KHDRBS2: variants seen among roughly 807,000 people sequenced by gnomAD.
The protein encoded by KHDRBS2 is KH domain-containing, RNA-binding, signal transduction-associated protein 2.
In KHDRBS2, 26 loss-of-function variants were observed where a neutral mutation model predicts 44.3. The ratio of observed to expected loss-of-function variants is 0.59; its 90% CI spans 0.43 to 0.81. The LOEUF (loss-of-function observed/expected upper bound fraction) is 0.81. Ranked by LOEUF, KHDRBS2 falls within the 40% of genes least tolerant of loss-of-function variation. The probability of loss-of-function intolerance (pLI) is 0.00; values close to 1 mark genes in which losing one functional copy is unlikely to be tolerated. For missense variants in KHDRBS2, 476 were observed against 433.1 expected, an observed-to-expected ratio of 1.10 and a Z score of -0.88; for synonymous variants, 194 against 151.1, an observed-to-expected ratio of 1.28 and a Z score of -2.08.
intron 2 of KHDRBS2, among the ~76,000 whole-genome samples, chr6:62,097,165 G>GA (rs1584675750): frequency 6.6e-6 from 1 of 151,496 alleles, no homozygotes; most frequent in East Asian, 1.9e-4. Flanking sequence ...CTAACCCGGA[G>GA]ACTATTTCAT....
At chr6:61,834,053 A>C (rs146628645) in intron 6 of KHDRBS2, among the ~76,000 whole-genome samples, 1 of 152,236 alleles carries the variant, frequency 6.6e-6, no homozygotes. Context: ...ATTTTTCTAA[A>C]TGGAAAATCA....
intron 6 of KHDRBS2, among the ~76,000 whole-genome samples, chr6:61,890,085 A>T (rs554328743): frequency 6.6e-6 from 1 of 152,242 alleles, no homozygotes; most frequent in African/African-American, 2.4e-5. Context: ...ATTTGTTTAC[A>T]TATGTTTATT....
At chr6:61,567,281 G>A in the KHDRBS2 span, among the ~76,000 whole-genome samples, 1 of 152,294 alleles carries the variant, frequency 6.6e-6, no homozygotes, top group Admixed American at 6.5e-5. Flanking sequence ...AGAAAAGGGA[G>A]GCCAAGGGCC....
At chr6:61,733,167 A>G (rs751143619) in intron 6 of KHDRBS2, among the ~76,000 whole-genome samples, 42 of 152,310 alleles carry the variant, frequency 2.8e-4, no homozygotes, top group Admixed American at 9.2e-4. Flanking sequence ...ATCATAATTA[A>G]GATAGAAACT....
chr6:61,802,383 G>A (rs1417100277), intron 6 of KHDRBS2, among the ~76,000 whole-genome samples: 2 of 152,084 alleles, frequency 1.3e-5, no homozygotes, highest in East Asian at 3.9e-4. Context: ...ATATAAATTG[G>A]TAACATTATT....
intron 2 of KHDRBS2, among the ~76,000 whole-genome samples, chr6:62,145,485 C>T (rs1356665952): frequency 1.3e-5 from 2 of 151,630 alleles, no homozygotes; most frequent in Non-Finnish European, 3.0e-5. Context: ...ATATCTTTTT[C>T]TAGGTACAGT....
At chr6:62,118,300 T>C (rs1032342202) in intron 2 of KHDRBS2, among the ~76,000 whole-genome samples, 10 of 152,218 alleles carry the variant, frequency 6.6e-5, no homozygotes, top group African/African-American at 2.4e-4. Flanking sequence ...TACTATAAGT[T>C]TGCAGTATAT....
chr6:61,601,123 G>C, the KHDRBS2 span, among the ~76,000 whole-genome samples: 2 of 151,918 alleles, frequency 1.3e-5, no homozygotes, highest in Admixed American at 6.6e-5. Flanking sequence ...TGCCTGCTTT[G>C]GCTGCTCACC....
the KHDRBS2 span, among the ~76,000 whole-genome samples, chr6:61,655,225 TACACACACACACAC>T: frequency 2.1e-5 from 3 of 145,192 alleles, no homozygotes; most frequent in Non-Finnish European, 3.0e-5. Flanking sequence ...CATACATACA[TACACACACACACAC>T]ACACACACAC....
chr6:62,035,007 G>A (rs537305109), intron 3 of KHDRBS2, among the ~76,000 whole-genome samples: 1 of 152,120 alleles, frequency 6.6e-6, no homozygotes, highest in Admixed American at 6.6e-5. Flanking sequence ...TAGCAAGGAT[G>A]TGGAGAAAAG....
intron 1 of KHDRBS2, among the ~76,000 whole-genome samples, chr6:62,220,477 T>G (rs549762307): frequency 2.0e-5 from 3 of 152,028 alleles, no homozygotes; most frequent in South Asian, 4.1e-4. Flanking sequence ...CAAGTATGTA[T>G]AGCAAATGCA....
intron 3 of KHDRBS2, among the ~76,000 whole-genome samples, chr6:62,021,114 C>A (rs1405413569): frequency 6.6e-6 from 1 of 151,938 alleles, no homozygotes; most frequent in Non-Finnish European, 1.5e-5. Flanking sequence ...TTATCCTTAG[C>A]AAAACGACAA....
intron 1 of KHDRBS2, among the ~76,000 whole-genome samples, chr6:62,237,416 T>G (rs891795396): frequency 2.0e-5 from 3 of 152,146 alleles, no homozygotes; most frequent in Admixed American, 6.5e-5. Context: ...ATAAATCACC[T>G]ACTCAAGGTC....
intron 6 of KHDRBS2, among the ~76,000 whole-genome samples, chr6:61,837,067 G>T (rs1792807255): frequency 6.6e-6 from 1 of 151,776 alleles, no homozygotes; most frequent in South Asian, 2.1e-4. Context: ...TGTATGATAA[G>T]GAAACTATGG....
intron 4 of KHDRBS2, among the ~76,000 whole-genome samples, chr6:61,928,885 T>C (rs1210213836): frequency 1.3e-5 from 2 of 152,162 alleles, no homozygotes; most frequent in East Asian, 3.8e-4. Flanking sequence ...TGTTATACTA[T>C]AAAATTTATT....
At chr6:61,612,951 C>G in the KHDRBS2 span, among the ~76,000 whole-genome samples, 1 of 146,262 alleles carries the variant, frequency 6.8e-6, no homozygotes. Context: ...CTCCTGGGTT[C>G]ACGCCATTTT....
At chr6:61,874,499 C>T (rs1365585446) in intron 6 of KHDRBS2, among the ~76,000 whole-genome samples, 3 of 152,254 alleles carry the variant, frequency 2.0e-5, no homozygotes, top group African/African-American at 7.2e-5. Context: ...CACTACTACA[C>T]ATACACTTTA....
chr6:61,700,217 A>G (rs554791376), intron 7 of KHDRBS2, among the ~76,000 whole-genome samples: 1 of 151,864 alleles, frequency 6.6e-6, no homozygotes, highest in South Asian at 2.1e-4. Context: ...ATGTTCCCCA[A>G]AGTGTGCTAT....
intron 6 of KHDRBS2, among the ~76,000 whole-genome samples, chr6:61,806,856 T>A (rs1293382419): frequency 6.6e-6 from 1 of 152,172 alleles, no homozygotes; most frequent in East Asian, 1.9e-4. Context: ...ATATTAATGA[T>A]GTACAACATA....
Sources: allele counts gnomAD v4.1 joint callset (sites outside exome capture counted in the v4.1 genomes callset), GRCh38; gene constraint gnomAD v4.1.1; transcripts MANE v1.5; gene names NCBI Gene and HGNC (gene_info 2026-07-23, HGNC 2026-07-21).